HNF1A: variants seen among roughly 807,000 people sequenced by gnomAD.
HNF1A encodes the protein hepatocyte nuclear factor 1-alpha.
A neutral mutation model predicts 62.2 loss-of-function variants in HNF1A; 21 were observed. That is an observed-to-expected ratio of 0.34 (90% CI 0.24 to 0.49). The LOEUF is 0.49. HNF1A is among the 20% of genes least tolerant of loss of function. HNF1A has a pLI of 0.99. For missense variants in HNF1A, 687 were observed against 832.3 expected (o/e 0.83, Z 2.15); for synonymous variants, 374 against 366.8 (o/e 1.02, Z -0.22).
chr12:120,983,546 CT>C (rs949688156), intron 1 of HNF1A, among the ~76,000 whole-genome samples: 24 of 149,866 alleles, frequency 1.6e-4, no homozygotes, highest in African/African-American at 5.5e-4. Flanking sequence ...CTTTTTCTTT[CT>C]TTCTTTTTTT....
Position 121,002,246 on chromosome 12 carries a change from C to T in HNF1A, c.*1054C>T. On this transcript the variant is annotated 3_prime_UTR_variant, in exon 10 of 10. Coordinates refer to ENST00000257555, the MANE Select transcript of HNF1A (RefSeq NM_000545.8). ...AACACTCAGAAGCCTGGGGGCCTGG[C>T]TGGCTGAGGGCAGTTCGCAGCCACC... is the stretch of plus-strand genomic sequence containing the variant. 2.3e-6 allele frequency: 1 copy of T among 440,416 alleles called. No homozygotes were observed. 27.3% of individuals were successfully genotyped at this position (440,416 alleles called of 1,614,324 possible). A position where few individuals can be genotyped will look rare whatever the true frequency, so the allele number is the denominator to read the frequency against.
chr12:120,980,935 T>G (rs1217407031), intron 1 of HNF1A: 1 of 151,848 alleles, frequency 6.6e-6, no homozygotes, highest in Admixed American at 6.6e-5. Context: ...CTGGAGTGCT[T>G]CCCGCCTGCC....
In HNF1A at chr12:120,997,205, A is replaced by C. The variant is rs1296133673; in HGVS notation, c.1310-269A>C. 2.1e-6 allele frequency: 3 copies of C among 1,417,716 alleles called. No homozygotes were observed. The East Asian group carries it at 7.8e-5, about 37-fold the overall frequency. 87.8% of individuals were successfully genotyped at this position (1,417,716 alleles called of 1,614,324 possible). A position where few individuals can be genotyped will look rare whatever the true frequency, so the allele number is the denominator to read the frequency against. On this transcript the variant is annotated intron_variant, in intron 6 of 9. Transcript: ENST00000257555. ...CACTGCTGTGGAACCCCAGGGCTCC[A>C]GGGAACCGCAGTTTGACAACTTTTG... is the stretch of plus-strand genomic sequence containing the variant.
intron 8 of HNF1A, 37 bp downstream of exon 8, chr12:120,999,426 G>A: frequency 6.2e-7 from 1 of 1,613,696 alleles, no homozygotes. Context: ...CTTGGCCTGT[G>A]ACAGAGCCCC....
At chr12:120,987,456 C>T (rs1392466452) in intron 1 of HNF1A, among the ~76,000 whole-genome samples, 1 of 128,628 alleles carries the variant, frequency 7.8e-6, no homozygotes, top group African/African-American at 3.0e-5. Context: ...GCCTGGGTGA[C>T]AGAGTGAGAC....
At chr12:120,989,211 A>C (rs1876687319) in intron 2 of HNF1A, among the ~76,000 whole-genome samples, 179 bp downstream of exon 2, 1 of 152,188 alleles carries the variant, frequency 6.6e-6, no homozygotes, top group Non-Finnish European at 1.5e-5. Context: ...GTGGGACGGG[A>C]GTAGACTTGG....
At chr12:120,979,434 T>C (rs1215506167) in intron 1 of HNF1A, among the ~76,000 whole-genome samples, 4 of 152,096 alleles carry the variant, frequency 2.6e-5, no homozygotes, top group Non-Finnish European at 5.9e-5. Flanking sequence ...GGTGGAAATT[T>C]TTAGCCACTC....
At chr12:120,999,925 A>G (rs971724523) in intron 9 of HNF1A, among the ~76,000 whole-genome samples, 1 of 152,218 alleles carries the variant, frequency 6.6e-6, no homozygotes, top group Non-Finnish European at 1.5e-5. Flanking sequence ...CAGGTCTGTG[A>G]GCCAGAAGCG....
chr12:120,988,587 G>A lies in HNF1A; in HGVS notation c.327-246G>A, dbSNP rs146269699. ...TCTGTATCCATAGGCCTGTGTCCAC[G>A]TTTGTCATGTGTGTGCGTCTACAAG... On this transcript the variant is annotated intron_variant, in intron 1 of 9. Transcript: ENST00000257555. 3.9e-5 allele frequency among the ~76,000 whole-genome samples: 6 copies of A among 152,298 alleles called. No individual in the cohort carries two copies. In the East Asian group the frequency reaches 5.8e-4, roughly 15 times the overall value.
chr12:120,982,447 T>G (rs1876299280), intron 1 of HNF1A, among the ~76,000 whole-genome samples: 1 of 151,038 alleles, frequency 6.6e-6, no homozygotes, highest in African/African-American at 2.5e-5. Flanking sequence ...AGGAAAACAG[T>G]AGCCACGGCA....
At position 120,997,578 on chromosome 12, in the gene HNF1A, T is replaced by G. The variant is rs779267283; in HGVS notation, c.1414T>G (p.Tyr472Asp). The change falls in exon 7 of 10, where the codon TAC becomes GAC. Residue 472 changes from tyrosine to aspartate, a missense_variant. Transcript: ENST00000257555. ...VQFSQPLHPS[Y>D]QQPLMPPVQS... ...GTTCTCCCAGCCGCTGCACCCCTCC[T>G]ACCAGCAGCCGCTCATGCCACCTGT... 2 of 1,613,876 alleles carry G rather than the reference T, an allele frequency of 1.2e-6. No homozygotes were observed. Among genetic ancestry groups the G allele is most frequent in the Non-Finnish European group, 1.7e-6 (2 of 1,179,996 alleles).
chr12:120,997,146 A>G, intron 6 of HNF1A: 1 of 1,405,950 alleles, frequency 7.1e-7, no homozygotes, highest in Non-Finnish European at 9.3e-7. Context: ...AGCTGCTAGG[A>G]GAGGGGAGCA....
chr12:120,988,825 T>G lies in HNF1A; in HGVS notation c.327-8T>G. Reference sequence around the variant, plus strand: ...TGCTGAGCAGATCCCGTCCTTGCCCTCTCCCAGGGAGGACCCGTGGCGTGT... The same window carrying G: ...TGCTGAGCAGATCCCGTCCTTGCCCGCTCCCAGGGAGGACCCGTGGCGTGT... On this transcript the variant is annotated splice_polypyrimidine_tract_variant and splice_region_variant and intron_variant, in intron 1 of 9. Transcript: ENST00000257555. 6.2e-7 allele frequency: 1 copy of G among 1,614,048 alleles called. No individual in the cohort carries two copies. Among genetic ancestry groups the G allele is most frequent in the East Asian group, 2.2e-5 (1 of 44,878 alleles).
At chr12:120,984,814 T>C (rs925023753) in intron 1 of HNF1A, among the ~76,000 whole-genome samples, 1 of 152,050 alleles carries the variant, frequency 6.6e-6, no homozygotes, top group African/African-American at 2.4e-5. Context: ...GACTGCACCT[T>C]TCTGAGCCTC....
chr12:121,000,257 T>C (rs1877363434), intron 9 of HNF1A, among the ~76,000 whole-genome samples: 1 of 152,152 alleles, frequency 6.6e-6, no homozygotes, highest in Non-Finnish European at 1.5e-5. Flanking sequence ...ATAAGGTTCC[T>C]GGACCCGGCC....
At position 120,997,500 on chromosome 12, in the gene HNF1A, G is replaced by A. The variant is rs768436203; in HGVS notation, c.1336G>A (p.Val446Met). 2.5e-6 allele frequency: 4 copies of A among 1,611,766 alleles called. No individual in the cohort carries two copies. The highest frequency in any genetic ancestry group is 2.5e-6 in the Non-Finnish European group (3 of 1,179,536). ...IGLASTQAQSVPVINSMGSSL... is the reference protein window; with the variant it reads ...IGLASTQAQSMPVINSMGSSL... ...CCTGGCCTCCACGCAGGCACAGAGTGTGCCGGTCATCAACAGCATGGGCAG... is the reference window on the plus strand; with the variant it reads ...CCTGGCCTCCACGCAGGCACAGAGTATGCCGGTCATCAACAGCATGGGCAG... The change falls in exon 7 of 10, where the codon GTG becomes ATG. Residue 446 changes from valine (V) to methionine (M), a missense_variant. Around this residue, in one of 5 missense-constraint regions of HNF1A, gnomAD observed 408 missense variants for 455.3 expected, o/e 0.90. Transcript: ENST00000257555.
At chr12:120,999,228 GCACGTCTGC>G (rs755551742) in intron 7 of HNF1A, 31 bp from the exon 8 acceptor site, 2 of 1,613,096 alleles carry the variant, frequency 1.2e-6, no homozygotes, top group Non-Finnish European at 1.7e-6. Context: ...GGGCTGTCAG[GCACGTCTGC>G]CACGTCTGCC....
Position 120,996,136 on chromosome 12 carries a change from G to C in HNF1A, c.956-126G>C. ...AGGTAGAAACAAAGGCAGATTTGCT[G>C]GCTGCATAAAGGCAGACAGGCAGCT... On this transcript the variant is annotated intron_variant, in intron 4 of 9. Coordinates refer to ENST00000257555, the MANE Select transcript of HNF1A (RefSeq NM_000545.8). This position sits in a 1 kb window ranked among gnomAD's most constrained non-coding sequence, Gnocchi z 4.5. 3 of 1,149,332 alleles carry C rather than the reference G, an allele frequency of 2.6e-6. No individual in the cohort carries two copies. Among genetic ancestry groups the C allele is most frequent in the Non-Finnish European group, 3.8e-6 (3 of 785,536 alleles). The allele number at this position is 1,149,332 out of a possible 1,614,324, so 71.2% of individuals were successfully genotyped here.
chr12:120,992,220 CTT>C (rs755618615), intron 2 of HNF1A, among the ~76,000 whole-genome samples: 7 of 148,954 alleles, frequency 4.7e-5, no homozygotes, highest in Admixed American at 1.3e-4. Context: ...TTTCTTGACT[CTT>C]TTCTTTTTTG....
Sources: allele counts gnomAD v4.1 joint callset (sites outside exome capture counted in the v4.1 genomes callset), GRCh38; gene constraint gnomAD v4.1.1; regional missense constraint gnomAD v4.1.1; non-coding constraint Gnocchi (gnomAD v3.1); transcripts MANE v1.5; gene names NCBI Gene and HGNC (gene_info 2026-07-23, HGNC 2026-07-21).